Variants in RIC8B observed in about 807,000 individuals in gnomAD.
RIC8B encodes the protein chaperone Ric-8B.
RIC8B carries 16 observed loss-of-function variants against 57.5 expected under a neutral mutation model. The ratio of observed to expected loss-of-function variants is 0.28; its 90% confidence interval spans 0.19 to 0.42. The LOEUF (loss-of-function observed/expected upper bound fraction) is 0.42. Among genes scored for constraint, RIC8B ranks in the 10% least tolerant of loss-of-function variants. RIC8B has a pLI of 1.00. For missense variants in RIC8B, 481 were observed against 677.0 expected (o/e 0.71, Z 3.21); for synonymous variants, 216 against 250.8 (o/e 0.86, Z 1.31).
chr12:106,842,901 A>G (rs1453483175), intron 5 of RIC8B, 84 bp downstream of exon 5: 12 of 796,060 alleles, frequency 1.5e-5, no homozygotes, highest in Admixed American at 1.0e-4. Context: ...ATCACAGAGC[A>G]TGATTTTTAA....
At chr12:106,871,991 G>A (rs1388215611) in intron 9 of RIC8B, among the ~76,000 whole-genome samples, 3 of 152,240 alleles carry the variant, frequency 2.0e-5, no homozygotes, top group Non-Finnish European at 4.4e-5. Flanking sequence ...TATGATGCTG[G>A]TAGTGTGGTA....
At chr12:106,870,575 T>TAA (rs376446634) in intron 8 of RIC8B, among the ~76,000 whole-genome samples, 3 of 141,922 alleles carry the variant, frequency 2.1e-5, no homozygotes, top group Non-Finnish European at 3.1e-5. Flanking sequence ...ACCATGCCTC[T>TAA]AAAAAAAAAA....
intron 9 of RIC8B, chr12:106,871,488 A>AAC (rs1950411086): frequency 7.0e-6 from 1 of 143,536 alleles, no homozygotes; most frequent in Non-Finnish European, 1.5e-5. Flanking sequence ...AAAAAAAAAA[A>AAC]AAAAAAAAAA....
chr12:106,868,848 CTTTTTTTTTTTTTTT>C (rs572218268), intron 8 of RIC8B, among the ~76,000 whole-genome samples: 4 of 85,538 alleles, frequency 4.7e-5, no homozygotes, highest in African/African-American at 1.8e-4. Flanking sequence ...GAGGCCCAAG[CTTTTTTTTTTTTTTT>C]TTTTTTTTTG....
At position 106,842,721 on chromosome 12, in the gene RIC8B, A is replaced by G. The variant is rs759270647; in HGVS notation, c.969A>G (p.Lys323=). The G allele has an allele frequency of 1.6e-5, 26 of 1,613,892 alleles. No individual in the cohort carries two copies. Among genetic ancestry groups the G allele is most frequent in the Admixed American group, 6.7e-5 (4 of 60,010 alleles). Residue 323 remains lysine, a synonymous_variant, in exon 5 of 10, where the codon AAA becomes AAG. Coordinates refer to ENST00000392837, the MANE Select transcript of RIC8B (RefSeq NM_001330145.2). ...DELPSNKTAE[K]ETVLKNNTMV... is the part of the protein sequence containing the mutation. ...TGCCCAGTAATAAAACAGCTGAGAA[A>G]GAAACAGTTTTGAAAAACAATACCA...
chr12:106,861,484 C>G (rs530699454), intron 8 of RIC8B, among the ~76,000 whole-genome samples: 179 of 152,048 alleles, frequency 1.2e-3, no homozygotes, highest in African/African-American at 4.0e-3. Context: ...TTTAGCATCC[C>G]CAATGCCATC....
chr12:106,850,332 A>G (rs1249891726), intron 6 of RIC8B, among the ~76,000 whole-genome samples: 3 of 152,250 alleles, frequency 2.0e-5, no homozygotes, highest in African/African-American at 7.2e-5. Context: ...TTAGATCACA[A>G]ATTGAGTAAA....
Position 106,851,469 on chromosome 12 carries a change from A to G in RIC8B, c.1181A>G (p.Asp394Gly). 2 of 1,613,754 alleles carry G rather than the reference A, an allele frequency of 1.2e-6. No homozygotes were observed. Among genetic ancestry groups the G allele is most frequent in the Non-Finnish European group, 1.7e-6 (2 of 1,179,822 alleles). Reference protein sequence around the residue: ...LKDQVLPPLRDVTNRPEVGST... With the variant: ...LKDQVLPPLRGVTNRPEVGST... ...CATCAGGTTTTACCACCGTTGAGGG[A>G]TGTGACAAATCGACCTGAAGTTGGC... Residue 394 changes from aspartate (D) to glycine (G), a missense_variant, in exon 7 of 10, where the codon GAT becomes GGT. By Grantham distance (94) the Asp-to-Gly change is moderately conservative (BLOSUM62 -1). Coordinates refer to ENST00000392837, the MANE Select transcript of RIC8B (RefSeq NM_001330145.2).
chr12:106,824,478 T>C (rs989265590), intron 3 of RIC8B, among the ~76,000 whole-genome samples: 1 of 152,202 alleles, frequency 6.6e-6, no homozygotes, highest in South Asian at 2.1e-4. Flanking sequence ...CCCTAATTGC[T>C]TGCTAGATTT....
At chr12:106,853,682 TG>T (rs1463623920) in intron 7 of RIC8B, among the ~76,000 whole-genome samples, 1 of 151,914 alleles carries the variant, frequency 6.6e-6, no homozygotes. Flanking sequence ...TTGGCCAGGA[TG>T]GTCTCGAACT....
At chr12:106,794,267 A>G (rs2044378935) in intron 2 of RIC8B, among the ~76,000 whole-genome samples, 1 of 152,214 alleles carries the variant, frequency 6.6e-6, no homozygotes. Context: ...AAGGCAAAGA[A>G]CAGAAGAAAG....
At chr12:106,792,147 T>A (rs1461361733) in intron 2 of RIC8B, among the ~76,000 whole-genome samples, 1 of 152,232 alleles carries the variant, frequency 6.6e-6, no homozygotes. Context: ...CTAAACCTTT[T>A]ACTTTTTAAA....
intron 4 of RIC8B, among the ~76,000 whole-genome samples, chr12:106,832,282 A>G (rs765370077): frequency 2.6e-5 from 4 of 151,944 alleles, no homozygotes; most frequent in Admixed American, 6.6e-5. Context: ...CCACTTGTTT[A>G]TTGTTTCTCT....
At chr12:106,844,815 A>C (rs1349402843) in intron 6 of RIC8B, among the ~76,000 whole-genome samples, 1 of 152,200 alleles carries the variant, frequency 6.6e-6, no homozygotes, top group Non-Finnish European at 1.5e-5. Flanking sequence ...GAACTTGCTG[A>C]TAGATTGGAG....
chr12:106,823,391 A>T (rs916110068), intron 3 of RIC8B: 1 of 454,642 alleles, frequency 2.2e-6, no homozygotes, highest in Non-Finnish European at 4.4e-6. Context: ...AGAGTAAAAG[A>T]GGACATTGTA....
chr12:106,840,920 G>A (rs1171693214), intron 4 of RIC8B, among the ~76,000 whole-genome samples: 1 of 152,050 alleles, frequency 6.6e-6, no homozygotes, highest in Non-Finnish European at 1.5e-5. Flanking sequence ...TTTCAGAATG[G>A]CTTGTATACA....
intron 4 of RIC8B, among the ~76,000 whole-genome samples, chr12:106,837,428 T>C (rs190117207): frequency 5.3e-5 from 8 of 152,174 alleles, no homozygotes; most frequent in African/African-American, 1.9e-4. Flanking sequence ...AGAGCACTTA[T>C]CACCTTCTAG....
intron 1 of RIC8B, among the ~76,000 whole-genome samples, chr12:106,783,148 C>T (rs542720760): frequency 1.2e-3 from 181 of 152,150 alleles, no homozygotes; most frequent in Non-Finnish European, 2.1e-3. Flanking sequence ...ACACTCTCTG[C>T]CTTTCCAGTT....
At chr12:106,858,237 C>T (rs1949786520) in intron 7 of RIC8B, among the ~76,000 whole-genome samples, 1 of 151,972 alleles carries the variant, frequency 6.6e-6, no homozygotes. Flanking sequence ...TTCATTTAAA[C>T]ATTTATTCAT....
Sources: allele counts gnomAD v4.1 joint callset (sites outside exome capture counted in the v4.1 genomes callset), GRCh38; gene constraint gnomAD v4.1.1; transcripts MANE v1.5; gene names NCBI Gene and HGNC (gene_info 2026-07-23, HGNC 2026-07-21).